The following QTMAN variants were observed in gnomAD, a reference collection of about 807,000 sequenced individuals.
QTMAN encodes the protein tRNA-queuosine alpha-mannosyltransferase.
chr2:144,182,894 A>AT, the QTMAN span, among the ~76,000 whole-genome samples: 1 of 90,498 alleles, frequency 1.1e-5, no homozygotes, highest in Non-Finnish European at 2.1e-5. Context: ...TTTTATATAT[A>AT]TATATATTAT....
At chr2:144,092,868 GGGGTGTGTGTGT>G in the QTMAN span, among the ~76,000 whole-genome samples, 5,868 of 89,468 alleles carry the variant, frequency 0.066, 213 homozygotes, top group East Asian at 0.3. Flanking sequence ...ATAAACTTTT[GGGGTGTGTGTGT>G]GTGTGTGTGT....
chr2:144,000,852 T>G, the QTMAN span, among the ~76,000 whole-genome samples: 11 of 152,030 alleles, frequency 7.2e-5, no homozygotes, highest in Non-Finnish European at 1.6e-4. Flanking sequence ...CACATAACAT[T>G]GAAATAGAAC....
At chr2:143,992,770 T>C in the QTMAN span, among the ~76,000 whole-genome samples, 5 of 152,162 alleles carry the variant, frequency 3.3e-5, no homozygotes, top group East Asian at 5.8e-4. Context: ...GAGGCAATCA[T>C]AACCAAAGAA....
the QTMAN span, among the ~76,000 whole-genome samples, chr2:144,226,078 A>G: frequency 6.6e-6 from 1 of 152,240 alleles, no homozygotes; most frequent in Non-Finnish European, 1.5e-5. Context: ...TGTCATCACA[A>G]AATGAATTGT....
At chr2:144,297,543 C>T in the QTMAN span, among the ~76,000 whole-genome samples, 25 of 150,426 alleles carry the variant, frequency 1.7e-4, no homozygotes, top group African/African-American at 6.1e-4. Context: ...TGTCTCATGC[C>T]TGTAATCCCA....
At chr2:143,990,047 G>T in the QTMAN span, among the ~76,000 whole-genome samples, 1 of 152,042 alleles carries the variant, frequency 6.6e-6, no homozygotes, top group South Asian at 2.1e-4. Flanking sequence ...CTCTCAGTGT[G>T]GGGGGCTTGC....
the QTMAN span, among the ~76,000 whole-genome samples, chr2:144,095,056 C>T: frequency 2.0e-5 from 3 of 152,140 alleles, no homozygotes; most frequent in African/African-American, 7.2e-5. Flanking sequence ...TCCATACTCC[C>T]AAAAGTTAAA....
the QTMAN span, among the ~76,000 whole-genome samples, chr2:144,221,920 T>C: frequency 7.9e-5 from 12 of 152,212 alleles, no homozygotes; most frequent in Admixed American, 3.9e-4. Context: ...GTTTATTAAA[T>C]AGTTGTAAAC....
chr2:144,060,145 C>G, the QTMAN span, among the ~76,000 whole-genome samples: 3 of 151,214 alleles, frequency 2.0e-5, no homozygotes, highest in Non-Finnish European at 4.4e-5. Flanking sequence ...GAGTTTGGCT[C>G]CACTAAAAAA....
the QTMAN span, among the ~76,000 whole-genome samples, chr2:144,051,586 G>C: frequency 1.3e-5 from 2 of 152,160 alleles, no homozygotes; most frequent in Non-Finnish European, 2.9e-5. Context: ...CACGAATAGA[G>C]CATGAGAGTT....
At chr2:144,208,946 T>C in the QTMAN span, 1 of 502,496 alleles carries the variant, frequency 2.0e-6, no homozygotes, top group Non-Finnish European at 3.5e-6. Context: ...TATCCCATTA[T>C]TTAAATAAGT....
the QTMAN span, among the ~76,000 whole-genome samples, chr2:144,300,612 C>G: frequency 1.3e-5 from 2 of 152,040 alleles, no homozygotes; most frequent in African/African-American, 4.8e-5. Flanking sequence ...AAACTAAAAA[C>G]AGTGTCAAAA....
chr2:144,080,832 T>C, the QTMAN span, among the ~76,000 whole-genome samples: 1 of 151,656 alleles, frequency 6.6e-6, no homozygotes, highest in Non-Finnish European at 1.5e-5. Flanking sequence ...TTCATAAGAA[T>C]CTTGAAGGAA....
the QTMAN span, among the ~76,000 whole-genome samples, chr2:144,310,254 T>C: frequency 1.3e-5 from 2 of 152,048 alleles, no homozygotes; most frequent in African/African-American, 4.8e-5. Flanking sequence ...GGCCAGCTAT[T>C]CCAGAAACAA....
At chr2:144,292,911 T>C in the QTMAN span, among the ~76,000 whole-genome samples, 1 of 152,154 alleles carries the variant, frequency 6.6e-6, no homozygotes, top group African/African-American at 2.4e-5. Context: ...TAATTCAATT[T>C]CAGAAACACT....
At chr2:143,955,916 A>G in the QTMAN span, among the ~76,000 whole-genome samples, 1 of 152,190 alleles carries the variant, frequency 6.6e-6, no homozygotes, top group Non-Finnish European at 1.5e-5. Flanking sequence ...GTGCACATTA[A>G]GGATTGCAAA....
the QTMAN span, among the ~76,000 whole-genome samples, chr2:144,193,103 A>G: frequency 1.3e-5 from 2 of 152,154 alleles, no homozygotes; most frequent in African/African-American, 4.8e-5. Flanking sequence ...GGCTACAGAC[A>G]TCATCAAACC....
At chr2:144,157,431 T>TCTGA in the QTMAN span, among the ~76,000 whole-genome samples, 3 of 152,008 alleles carry the variant, frequency 2.0e-5, no homozygotes, top group Admixed American at 6.6e-5. Flanking sequence ...AGGCTTCCCT[T>TCTGA]CTGACTCAGA....
chr2:144,044,929 T>C, the QTMAN span, among the ~76,000 whole-genome samples: 2 of 152,230 alleles, frequency 1.3e-5, no homozygotes, highest in African/African-American at 2.4e-5. Context: ...AAATGTTTAT[T>C]AGGTTTCTAA....
Sources: allele counts gnomAD v4.1 joint callset (sites outside exome capture counted in the v4.1 genomes callset), GRCh38; gene constraint gnomAD v4.1.1; transcripts MANE v1.5; gene names NCBI Gene and HGNC (gene_info 2026-07-23, HGNC 2026-07-21).